The following OSBPL6 variants were observed in gnomAD, a reference collection of about 807,000 sequenced individuals.
OSBPL6 encodes the protein oxysterol-binding protein-related protein 6.
A neutral mutation model predicts 125.8 loss-of-function variants in OSBPL6; 49 were observed. The ratio of observed to expected loss-of-function variants is 0.39; its 90% CI spans 0.31 to 0.49. OSBPL6 has a LOEUF of 0.49. Among genes scored for constraint, OSBPL6 ranks in the 20% least tolerant of loss-of-function variants. OSBPL6 has a pLI of 0.88. For synonymous variants in OSBPL6, 394 were observed against 391.8 expected (o/e 1.01, Z -0.07); for missense variants, 986 against 1,135.4 (o/e 0.87, Z 1.89).
At chr2:178,301,140 G>A (rs1686238309) in intron 2 of OSBPL6, among the ~76,000 whole-genome samples, 3 of 151,978 alleles carry the variant, frequency 2.0e-5, no homozygotes, top group Admixed American at 6.6e-5. Flanking sequence ...TAAATGGGAA[G>A]GATGGACAAA....
intron 1 of OSBPL6, among the ~76,000 whole-genome samples, chr2:178,279,863 T>A (rs957727846): frequency 6.6e-6 from 1 of 152,142 alleles, no homozygotes; most frequent in Non-Finnish European, 1.5e-5. Context: ...CTGCATGCAG[T>A]TTATGTGCAA....
At chr2:178,279,922 A>T in intron 1 of OSBPL6, among the ~76,000 whole-genome samples, 1 of 152,148 alleles carries the variant, frequency 6.6e-6, no homozygotes, top group South Asian at 2.1e-4. Flanking sequence ...AGGTTGGGAC[A>T]GGTGCGGTGG....
At chr2:178,242,402 T>C (rs1247668123) in intron 1 of OSBPL6, among the ~76,000 whole-genome samples, 1 of 152,228 alleles carries the variant, frequency 6.6e-6, no homozygotes. Flanking sequence ...ACATCTCTCT[T>C]GGCTTTGCTG....
chr2:178,383,958 T>G lies in OSBPL6; in HGVS notation c.1876-81T>G, dbSNP rs1044254813. Reference sequence around the variant, plus strand: ...TCAACACCCATCCACATGAGGTGTGTAAAATCTAGAGGGATGAGGAACAAA... The same window carrying G: ...TCAACACCCATCCACATGAGGTGTGGAAAATCTAGAGGGATGAGGAACAAA... On this transcript the variant is annotated intron_variant, in intron 17 of 24. Transcript: ENST00000190611. 3.3e-6 allele frequency: 5 copies of G among 1,494,694 alleles called. No homozygotes were observed. In the African/African-American group the frequency reaches 6.9e-5, roughly 21 times the overall value. The allele number at this position is 1,494,694 out of a possible 1,614,324, so 92.6% of individuals were successfully genotyped here. A position where few individuals can be genotyped will look rare whatever the true frequency, so the allele number is the denominator to read the frequency against.
chr2:178,276,793 T>C (rs2092478734), intron 1 of OSBPL6, among the ~76,000 whole-genome samples: 1 of 151,954 alleles, frequency 6.6e-6, no homozygotes, highest in Non-Finnish European at 1.5e-5. Context: ...TTTTTTTTTT[T>C]TTTTGAGCCC....
At chr2:178,322,755 G>A (rs1411405639) in intron 3 of OSBPL6, among the ~76,000 whole-genome samples, 3 of 151,906 alleles carry the variant, frequency 2.0e-5, no homozygotes, top group African/African-American at 7.3e-5. Context: ...CTTTTCCTAT[G>A]GAAAATTATC....
intron 8 of OSBPL6, among the ~76,000 whole-genome samples, 168 bp from the exon 9 acceptor site, chr2:178,336,133 T>G (rs1045560455): frequency 6.6e-6 from 1 of 152,248 alleles, no homozygotes; most frequent in South Asian, 2.1e-4. Flanking sequence ...TGTTTAGGAA[T>G]GTCGCCCTCA....
chr2:178,363,475 T>C (rs1692538445), intron 13 of OSBPL6, among the ~76,000 whole-genome samples: 2 of 152,134 alleles, frequency 1.3e-5, no homozygotes, highest in Non-Finnish European at 2.9e-5. Flanking sequence ...AACAGTGAAA[T>C]GGAGCACACC....
chr2:178,351,408 C>T (rs1691244010), intron 12 of OSBPL6, among the ~76,000 whole-genome samples: 1 of 151,724 alleles, frequency 6.6e-6, no homozygotes, highest in African/African-American at 2.4e-5. Context: ...GCAGGATATA[C>T]AATGAACATA....
intron 11 of OSBPL6, chr2:178,344,329 G>A (rs140117736): frequency 9.0e-5 from 145 of 1,614,094 alleles, no homozygotes; most frequent in Admixed American, 4.2e-4. Context: ...ACTCGGCGCC[G>A]GCAGAGGCTA....
chr2:178,213,407 C>T (rs558010662), intron 1 of OSBPL6, among the ~76,000 whole-genome samples: 1 of 152,146 alleles, frequency 6.6e-6, no homozygotes, highest in South Asian at 2.1e-4. Flanking sequence ...CCACCCTTTC[C>T]CACCCTGCCC....
chr2:178,336,850 G>A (rs575807019), intron 9 of OSBPL6, among the ~76,000 whole-genome samples: 4 of 152,270 alleles, frequency 2.6e-5, no homozygotes, highest in South Asian at 2.1e-4. Flanking sequence ...GGTCACTTCC[G>A]CAGCTGCCTT....
At chr2:178,225,397 C>T (rs994572361) in intron 1 of OSBPL6, among the ~76,000 whole-genome samples, 1 of 152,182 alleles carries the variant, frequency 6.6e-6, no homozygotes, top group African/African-American at 2.4e-5. Flanking sequence ...TTGGCACATC[C>T]AGCACTTTGT....
At chr2:178,366,665 T>G (rs901643134) in intron 13 of OSBPL6, among the ~76,000 whole-genome samples, 2 of 152,214 alleles carry the variant, frequency 1.3e-5, no homozygotes, top group African/African-American at 4.8e-5. Context: ...AGTAGCATAA[T>G]GTAAAATCCA....
chr2:178,385,330 C>T, intron 18 of OSBPL6, 128 bp from the exon 19 acceptor site: 4 of 642,456 alleles, frequency 6.2e-6, no homozygotes, highest in Non-Finnish European at 8.0e-6. Context: ...TATAAGTTCT[C>T]AGTGTTTTTA....
At chr2:178,329,358 AAGG>A (rs1449208457) in intron 5 of OSBPL6, among the ~76,000 whole-genome samples, 1 of 152,110 alleles carries the variant, frequency 6.6e-6, no homozygotes, top group Non-Finnish European at 1.5e-5. Context: ...CTGTCATACT[AAGG>A]AGGAGAAAGT....
At chr2:178,234,807 A>G (rs1337536714) in intron 1 of OSBPL6, among the ~76,000 whole-genome samples, 1 of 152,124 alleles carries the variant, frequency 6.6e-6, no homozygotes, top group Non-Finnish European at 1.5e-5. Flanking sequence ...TACGAAACCC[A>G]TTTGCTTGGG....
At chr2:178,219,190 A>G (rs193101807) in intron 1 of OSBPL6, among the ~76,000 whole-genome samples, 70 of 152,318 alleles carry the variant, frequency 4.6e-4, no homozygotes, top group African/African-American at 1.7e-3. Context: ...GTTTTATTAA[A>G]GATACCATTT....
intron 1 of OSBPL6, among the ~76,000 whole-genome samples, chr2:178,247,809 C>A (rs1167983020): frequency 6.6e-6 from 1 of 152,142 alleles, no homozygotes; most frequent in African/African-American, 2.4e-5. Flanking sequence ...CCTCTCCATG[C>A]CCCTGTTTCC....
Sources: gnomAD v4.1 joint callset for allele counts (sites outside exome capture counted in the v4.1 genomes callset) on GRCh38, gnomAD v4.1.1 for gene constraint, MANE v1.5 for transcripts, NCBI Gene and HGNC (gene_info 2026-07-23, HGNC 2026-07-21) for gene names.